Variants in MATN2 observed in about 807,000 individuals in gnomAD.
MATN2 encodes the protein matrilin 2, also known as matrilin-2.
A neutral mutation model predicts 103.2 loss-of-function variants in MATN2; 69 were observed. That is an observed-to-expected ratio of 0.67 (90% CI 0.55 to 0.82). The LOEUF is 0.82. Among genes scored for constraint, MATN2 ranks in the 40% least tolerant of loss-of-function variants. The pLI is 0.00. For synonymous variants in MATN2, 429 were observed against 450.2 expected, an observed-to-expected ratio of 0.95 and a Z score of 0.60; for missense variants, 1,023 against 1,211.5, an observed-to-expected ratio of 0.84 and a Z score of 2.31.
intron 2 of MATN2, among the ~76,000 whole-genome samples, chr8:97,890,880 G>T (rs900441000): frequency 7.9e-5 from 12 of 152,064 alleles, no homozygotes; most frequent in Admixed American, 2.0e-4. Context: ...AATTTTTTTT[G>T]AACTTTCTGG....
At chr8:98,000,334 C>T (rs1812736161) in intron 7 of MATN2, among the ~76,000 whole-genome samples, 2 of 151,888 alleles carry the variant, frequency 1.3e-5, no homozygotes, top group Non-Finnish European at 1.5e-5. Context: ...TGCGGTGGCT[C>T]ACGCCTATAA....
intron 5 of MATN2, among the ~76,000 whole-genome samples, chr8:97,965,265 AGATTTTATCTCT>A (rs1811443072): frequency 6.6e-6 from 1 of 152,236 alleles, no homozygotes; most frequent in African/African-American, 2.4e-5. Context: ...CGTAAAGCCT[AGATTTTATCTCT>A]GAAAAAGAGC....
intron 7 of MATN2, among the ~76,000 whole-genome samples, chr8:98,002,789 T>C (rs1812829666): frequency 1.3e-5 from 2 of 152,170 alleles, no homozygotes; most frequent in South Asian, 4.1e-4. Flanking sequence ...GTAGCTCACC[T>C]GGTTTCCTGA....
In MATN2 at chr8:98,021,494, A is replaced by G. The variant is rs568173913; in HGVS notation, c.1942+167A>G. On this transcript the variant is annotated intron_variant, in intron 13 of 18. Transcript: ENST00000254898. ...AGGGCTTAACTGCAGCACCTGTGAA[A>G]ACACTTTCGGTTTTAATTGACAGTA... is the stretch of plus-strand genomic sequence containing the variant. 6.6e-5 allele frequency among the ~76,000 whole-genome samples: 10 copies of G among 152,314 alleles called. No homozygotes were observed. In the South Asian group the frequency reaches 1.9e-3, roughly 28 times the overall value.
chr8:97,961,461 G>A lies in MATN2; in HGVS notation c.889G>A (p.Val297Met), dbSNP rs749559011. The stretch of plus-strand genomic sequence containing the variant: ...CAACTGTGAGCAGCTCTGTGTGAAT[G>A]TGCCGGGCTCCTTCGTCTGCCAGTG... ...DHNCEQLCVN[V>M]PGSFVCQCYS... Residue 297 changes from valine (V) to methionine (M), a missense_variant, in exon 5 of 19, where the codon GTG becomes ATG. Val to Met is a conservative substitution (Grantham distance 21). Coordinates refer to ENST00000254898, the MANE Select transcript of MATN2 (RefSeq NM_002380.5). 1.2e-6 allele frequency: 2 copies of A among 1,613,884 alleles called. No homozygotes were observed. The highest frequency in any genetic ancestry group is 1.1e-5 in the South Asian group (1 of 91,052).
At chr8:97,919,843 TCAGA>T (rs1482189578) in intron 2 of MATN2, among the ~76,000 whole-genome samples, 2 of 152,130 alleles carry the variant, frequency 1.3e-5, no homozygotes, top group African/African-American at 4.8e-5. Flanking sequence ...TGGAAGACAC[TCAGA>T]CAGAGGTAAG....
At chr8:97,993,098 C>G (rs886955694) in intron 6 of MATN2, among the ~76,000 whole-genome samples, 1 of 152,126 alleles carries the variant, frequency 6.6e-6, no homozygotes, top group Non-Finnish European at 1.5e-5. Flanking sequence ...TATTATACTA[C>G]TCAGTCCATT....
At chr8:98,009,894 C>T (rs1311300123) in intron 10 of MATN2, among the ~76,000 whole-genome samples, 1 of 152,198 alleles carries the variant, frequency 6.6e-6, no homozygotes, top group African/African-American at 2.4e-5. Flanking sequence ...TGCCCACTGG[C>T]CTGCAAGCTC....
chr8:97,906,745 G>A (rs965791615), intron 2 of MATN2, among the ~76,000 whole-genome samples: 8 of 152,184 alleles, frequency 5.3e-5, no homozygotes, highest in South Asian at 4.1e-4. Context: ...GGACACTTAC[G>A]GGGACATCAA....
At chr8:97,886,904 CTT>C (rs1225564343) in intron 1 of MATN2, among the ~76,000 whole-genome samples, 13 of 143,780 alleles carry the variant, frequency 9.0e-5, no homozygotes, top group Admixed American at 7.0e-5. Context: ...TTTGTTTTAC[CTT>C]TTTTTTTTTT....
intron 6 of MATN2, among the ~76,000 whole-genome samples, chr8:97,988,169 A>ATTATATATATATATATATATAT (rs57037125): frequency 1.2e-4 from 8 of 64,524 alleles, no homozygotes; most frequent in African/African-American, 4.9e-4. Context: ...AAAAAAAAAA[A>ATTATATATATATATATATATAT]AAATATATAT....
intron 10 of MATN2, among the ~76,000 whole-genome samples, chr8:98,009,221 T>C (rs1164769713): frequency 2.0e-5 from 3 of 152,224 alleles, no homozygotes; most frequent in Non-Finnish European, 2.9e-5. Context: ...TGCATTGAGC[T>C]ATTCCCCTAA....
rs1814050645 is a variant in MATN2 at position 98,032,165 on chromosome 8, T to TG, written c.2510-79dup. On this transcript the variant is annotated intron_variant, in intron 15 of 18. Transcript: ENST00000254898. Reference sequence around the variant, plus strand: ...AGGTTATGGCAGGTAGGTAAGGAGGTGGTCTGGGACCAGCTTCCTGAAGAA... The same window carrying TG: ...AGGTTATGGCAGGTAGGTAAGGAGGTGGGTCTGGGACCAGCTTCCTGAAGAA... 1.9e-6 allele frequency: 2 copies of TG among 1,079,122 alleles called. 1 individual carries two copies. The highest frequency in any genetic ancestry group is 2.9e-5 in the South Asian group (2 of 69,092). 66.8% of individuals were successfully genotyped at this position (1,079,122 alleles called of 1,614,324 possible).
intron 6 of MATN2, among the ~76,000 whole-genome samples, chr8:97,983,385 C>A (rs888154595): frequency 2.0e-5 from 3 of 151,964 alleles, no homozygotes; most frequent in African/African-American, 7.3e-5. Context: ...GTTTTTATAC[C>A]CAGAAGTGGA....
intron 11 of MATN2, among the ~76,000 whole-genome samples, chr8:98,017,481 C>A (rs2130418961): frequency 6.6e-6 from 1 of 152,302 alleles, no homozygotes; most frequent in Non-Finnish European, 1.5e-5. Flanking sequence ...CTCAACGTCT[C>A]AAAGCACTTT....
chr8:97,961,537 A>C lies in MATN2; in HGVS notation c.958+7A>C, dbSNP rs778166380. 24 of 1,608,580 alleles carry C rather than the reference A, an allele frequency of 1.5e-5. No individual in the cohort carries two copies. In the Admixed American group the frequency reaches 3.4e-4, roughly 23 times the overall value. On this transcript the variant is annotated splice_region_variant and intron_variant, in intron 5 of 18. Transcript: ENST00000254898. ...GATGGGAAGAGGTGTGTGGGTGAGT[A>C]TCCCTCCAGCTGGGCTTGGTAGGGA...
chr8:97,878,545 CAA>C (rs769329845), intron 1 of MATN2, among the ~76,000 whole-genome samples: 10 of 129,778 alleles, frequency 7.7e-5, no homozygotes, highest in Admixed American at 1.6e-4. Context: ...GACTCTGTCT[CAA>C]AAAAAAAAAA....
chr8:97,924,426 C>G (rs1318620025), intron 2 of MATN2, among the ~76,000 whole-genome samples: 1 of 152,128 alleles, frequency 6.6e-6, no homozygotes, highest in Non-Finnish European at 1.5e-5. Context: ...ACCATCTGCT[C>G]GTGGGAACTT....
At chr8:97,961,346 T>C in intron 4 of MATN2, 62 bp from the exon 5 acceptor site, 1 of 1,501,184 alleles carries the variant, frequency 6.7e-7, no homozygotes. Flanking sequence ...TGCCTCACCC[T>C]GGGCTGGGAG....
Sources: gnomAD v4.1 joint callset for allele counts (sites outside exome capture counted in the v4.1 genomes callset) on GRCh38, gnomAD v4.1.1 for gene constraint, MANE v1.5 for transcripts, NCBI Gene and HGNC (gene_info 2026-07-23, HGNC 2026-07-21) for gene names.